Variants in ST8SIA4 observed in about 807,000 individuals in gnomAD.
ST8SIA4 encodes CMP-N-acetylneuraminate-poly-alpha-2,8-sialyltransferase.
ST8SIA4 carries 15 observed loss-of-function variants against 33.9 expected under a neutral mutation model. That is an observed-to-expected ratio of 0.44 (90% CI 0.30 to 0.68). ST8SIA4 has a LOEUF of 0.68. ST8SIA4 is among the 30% of genes least tolerant of loss of function. ST8SIA4 has a pLI of 0.10. For missense variants in ST8SIA4, 321 were observed against 428.0 expected (o/e 0.75, Z 2.21); for synonymous variants, 171 against 151.2 (o/e 1.13, Z -0.96).
In ST8SIA4 at chr5:100,811,748, T is replaced by C. The variant is rs1309281696; in HGVS notation, c.*99A>G. 1 of 1,211,858 alleles carries C rather than the reference T, an allele frequency of 8.3e-7. No individual in the cohort carries two copies. Among genetic ancestry groups the C allele is most frequent in the Non-Finnish European group, 1.1e-6 (1 of 874,974 alleles). 75.1% of individuals were successfully genotyped at this position (1,211,858 alleles called of 1,614,324 possible). On this transcript the variant is annotated 3_prime_UTR_variant, in exon 5 of 5. Coordinates refer to ENST00000231461, the MANE Select transcript of ST8SIA4 (RefSeq NM_005668.6). ...GTCCTTTATTCACCTTTCAGTTCAT[T>C]GGTGGATGCTGAAACCCAGCCGTGT...
intron 4 of ST8SIA4, among the ~76,000 whole-genome samples, chr5:100,836,411 T>C (rs914576837): frequency 6.6e-6 from 1 of 151,614 alleles, no homozygotes; most frequent in Non-Finnish European, 1.5e-5. Context: ...AATTTGGCCA[T>C]GGTTGAATGC....
intron 4 of ST8SIA4, among the ~76,000 whole-genome samples, chr5:100,822,167 ATTG>A (rs1751045287): frequency 6.6e-6 from 1 of 152,100 alleles, no homozygotes; most frequent in Admixed American, 6.5e-5. Flanking sequence ...AAATACCTGG[ATTG>A]TTTTTTCCCT....
intron 4 of ST8SIA4, among the ~76,000 whole-genome samples, chr5:100,832,215 T>C (rs1466979899): frequency 6.6e-6 from 1 of 152,196 alleles, no homozygotes; most frequent in East Asian, 1.9e-4. Context: ...TTTATATTTA[T>C]TTTAGTTAAA....
chr5:100,895,809 C>T (rs1026985193), intron 1 of ST8SIA4, 24 bp from the exon 2 acceptor site: 2 of 1,610,090 alleles, frequency 1.2e-6, no homozygotes, highest in Non-Finnish European at 1.7e-6. Flanking sequence ...AAATTGCCAG[C>T]TTTGTGAAAG....
intron 4 of ST8SIA4, among the ~76,000 whole-genome samples, chr5:100,822,607 A>G (rs569210375): frequency 6.6e-6 from 1 of 152,344 alleles, no homozygotes; most frequent in African/African-American, 2.4e-5. Context: ...TGTAAATGAA[A>G]TTTAATATAT....
chr5:100,833,407 A>C (rs1260665667), intron 4 of ST8SIA4, among the ~76,000 whole-genome samples: 1 of 152,142 alleles, frequency 6.6e-6, no homozygotes, highest in African/African-American at 2.4e-5. Context: ...ACCTAGCATA[A>C]TAAATTAAAT....
rs564004312 is a variant in ST8SIA4 at position 100,808,054 on chromosome 5, C to T, written c.*3793G>A. Reference sequence around the variant, plus strand: ...CTAACTATACACAACTCTTCCCATACCCCTTCCACAATTATATATACTCCC... The same window carrying T: ...CTAACTATACACAACTCTTCCCATATCCCTTCCACAATTATATATACTCCC... On this transcript the variant is annotated 3_prime_UTR_variant, in exon 5 of 5. Transcript: ENST00000231461. 1 of 152,444 alleles carries T rather than the reference C, an allele frequency of 6.6e-6. No individual in the cohort carries two copies. The highest frequency in any genetic ancestry group is 1.5e-5 in the Non-Finnish European group (1 of 67,946). The allele number at this position is 152,444 out of a possible 1,614,324, so 9.4% of individuals were successfully genotyped here.
intron 3 of ST8SIA4, among the ~76,000 whole-genome samples, chr5:100,869,131 T>C (rs142877072): frequency 6.6e-6 from 1 of 152,268 alleles, no homozygotes; most frequent in African/African-American, 2.4e-5. Context: ...TATTTGTATC[T>C]GAACTTTCTG....
At chr5:100,821,163 A>G (rs1301900000) in intron 4 of ST8SIA4, among the ~76,000 whole-genome samples, 2 of 152,124 alleles carry the variant, frequency 1.3e-5, no homozygotes, top group African/African-American at 4.8e-5. Context: ...ATCAAAAACC[A>G]TGGAAACTAC....
chr5:100,846,849 T>C (rs1237089254), intron 4 of ST8SIA4, among the ~76,000 whole-genome samples: 1 of 152,122 alleles, frequency 6.6e-6, no homozygotes, highest in Admixed American at 6.6e-5. Context: ...AGGTTCCAGT[T>C]TGAGCCACAC....
chr5:100,866,611 CAAAT>C (rs923197044), intron 3 of ST8SIA4, among the ~76,000 whole-genome samples: 8 of 144,686 alleles, frequency 5.5e-5, no homozygotes, highest in South Asian at 2.2e-4. Context: ...CACACACACA[CAAAT>C]ACATATTATA....
chr5:100,838,979 A>C (rs969711081), intron 4 of ST8SIA4, among the ~76,000 whole-genome samples: 14 of 151,914 alleles, frequency 9.2e-5, no homozygotes, highest in Admixed American at 9.2e-4. Context: ...CTTGCACTTA[A>C]AAGAGAACAT....
At chr5:100,858,540 C>A (rs1751865688) in intron 3 of ST8SIA4, among the ~76,000 whole-genome samples, 1 of 151,976 alleles carries the variant, frequency 6.6e-6, no homozygotes, top group Non-Finnish European at 1.5e-5. Flanking sequence ...TTAAACATCC[C>A]ACCCCCTATC....
At chr5:100,874,563 C>T (rs1752265397) in intron 3 of ST8SIA4, among the ~76,000 whole-genome samples, 1 of 151,712 alleles carries the variant, frequency 6.6e-6, no homozygotes, top group Non-Finnish European at 1.5e-5. Context: ...ATTTCTCTGC[C>T]TGTCATCTCT....
At chr5:100,853,334 T>C (rs1751743930) in intron 4 of ST8SIA4, among the ~76,000 whole-genome samples, 1 of 152,218 alleles carries the variant, frequency 6.6e-6, no homozygotes, top group Non-Finnish European at 1.5e-5. Flanking sequence ...ACACCATGTG[T>C]ACAAATTTCC....
chr5:100,829,699 G>A (rs1180119670), intron 4 of ST8SIA4, among the ~76,000 whole-genome samples: 1 of 152,110 alleles, frequency 6.6e-6, no homozygotes, highest in Admixed American at 6.5e-5. Flanking sequence ...CACGAGGTCA[G>A]GAGATCGAGA....
At chr5:100,835,082 G>A (rs979881927) in intron 4 of ST8SIA4, among the ~76,000 whole-genome samples, 10 of 152,076 alleles carry the variant, frequency 6.6e-5, no homozygotes, top group African/African-American at 2.2e-4. Flanking sequence ...TATTATAGAT[G>A]TAGCATTTTT....
intron 1 of ST8SIA4, among the ~76,000 whole-genome samples, chr5:100,897,864 G>A (rs1257564329): frequency 1.3e-5 from 2 of 152,122 alleles, no homozygotes; most frequent in Non-Finnish European, 2.9e-5. Flanking sequence ...AAAACACGGG[G>A]TGTGCTTTAC....
chr5:100,872,126 ATAAAT>A (rs1466900926), intron 3 of ST8SIA4, among the ~76,000 whole-genome samples: 1 of 152,086 alleles, frequency 6.6e-6, no homozygotes, highest in Non-Finnish European at 1.5e-5. Context: ...CATTCAATAA[ATAAAT>A]TATATATACC....
Sources: allele counts gnomAD v4.1 joint callset (sites outside exome capture counted in the v4.1 genomes callset), GRCh38; gene constraint gnomAD v4.1.1; transcripts MANE v1.5; gene names NCBI Gene and HGNC (gene_info 2026-07-23, HGNC 2026-07-21).